The following SERPINB12 variants were observed in gnomAD, a reference collection of about 807,000 sequenced individuals.
SERPINB12 encodes the protein serpin family B member 12, also known as serpin B12.
A neutral mutation model predicts 41.1 loss-of-function variants in SERPINB12; 57 were observed. The ratio of observed to expected loss-of-function variants is 1.39; its 90% CI spans 1.12 to 1.73. The LOEUF (loss-of-function observed/expected upper bound fraction) is 1.73. SERPINB12 is among the 40% of genes most tolerant of loss of function. The pLI, the probability that SERPINB12 is intolerant of heterozygous loss-of-function variation, is 0.00. For synonymous variants in SERPINB12, 180 were observed against 181.3 expected (o/e 0.99, Z 0.06); for missense variants, 536 against 501.9 (o/e 1.07, Z -0.65).
In SERPINB12 at chr18:63,549,709, G is replaced by C. The variant is rs188228110; in HGVS notation, c.-18-6433G>C. Among the ~76,000 whole-genome samples, 21 of 152,284 alleles carry C rather than the reference G, an allele frequency of 1.4e-4. No homozygotes were observed. In the East Asian group the frequency reaches 3.7e-3, roughly 27 times the overall value. ...TTGAGATGTGCCTTCCAGAGAGGGAGTTCACGGCCGTCCTGAGATGGACTC... is the reference window on the plus strand; with the variant it reads ...TTGAGATGTGCCTTCCAGAGAGGGACTTCACGGCCGTCCTGAGATGGACTC... On this transcript the variant is annotated intron_variant, in intron 1 of 7. Transcript: ENST00000382768.
At chr18:63,549,048 T>G (rs569895064) in intron 1 of SERPINB12, among the ~76,000 whole-genome samples, 1 of 152,224 alleles carries the variant, frequency 6.6e-6, no homozygotes, top group East Asian at 1.9e-4. Context: ...GTTTAAACAT[T>G]TAGATAAGTC....
At chr18:63,537,868 G>A (rs773785445), upstream of SERPINB12, among the ~76,000 whole-genome samples, 72 of 152,280 alleles carry the variant, frequency 4.7e-4, no homozygotes, top group African/African-American at 1.6e-3. Flanking sequence ...TTTAGAGCCT[G>A]AGGGAGCACA....
intron 1 of SERPINB12, among the ~76,000 whole-genome samples, chr18:63,548,416 G>A (rs1020416817): frequency 6.6e-6 from 1 of 151,968 alleles, no homozygotes; most frequent in Admixed American, 6.6e-5. Flanking sequence ...TTAAAATTAA[G>A]TTGAAAATAC....
rs1568129202 is a variant in SERPINB12, at chr18:63,559,004, T to TTTCTTTCTTTCTC, written c.303+519_303+520insTCTTTCTTTCTCT. ...TGATTGTCTTTCTTTCTTTCCTTCC[T>TTTCTTTCTTTCTC]TCTTTCTTTCTTTCTTTCTTTCTTT... On this transcript the variant is annotated intron_variant, in intron 3 of 7. Transcript: ENST00000382768. 9.2e-3 allele frequency among the ~76,000 whole-genome samples: 268 copies of TTTCTTTCTTTCTC among 29,074 alleles called. 6 individuals are homozygous for TTTCTTTCTTTCTC. Among genetic ancestry groups the TTTCTTTCTTTCTC allele is most frequent in the African/African-American group, 0.016 (264 of 17,008 alleles). The allele number at this position is 29,074 out of a possible 152,430, so 19.1% of individuals were successfully genotyped here.
At chr18:63,534,934 A>G in the SERPINB12 span, among the ~76,000 whole-genome samples, 2 of 152,212 alleles carry the variant, frequency 1.3e-5, no homozygotes, top group African/African-American at 4.8e-5. Flanking sequence ...TGCATGTGGA[A>G]CACCCTTAGA....
intron 7 of SERPINB12, 23 bp downstream of exon 7, chr18:63,565,635 C>T: frequency 6.3e-7 from 1 of 1,591,582 alleles, no homozygotes; most frequent in Non-Finnish European, 8.6e-7. Context: ...TTCCACATCT[C>T]TACAAAATAT....
chr18:63,562,317 G>T (rs1398410488), intron 5 of SERPINB12, among the ~76,000 whole-genome samples: 2 of 152,220 alleles, frequency 1.3e-5, no homozygotes, highest in Non-Finnish European at 2.9e-5. Flanking sequence ...TTTGATCATC[G>T]TGTGGGGCTG....
intron 1 of SERPINB12, among the ~76,000 whole-genome samples, chr18:63,552,821 G>A (rs1271928732): frequency 6.6e-6 from 1 of 151,922 alleles, no homozygotes; most frequent in Non-Finnish European, 1.5e-5. Flanking sequence ...AAATAACCAA[G>A]CAACCCTTCA....
intron 1 of SERPINB12, among the ~76,000 whole-genome samples, chr18:63,549,562 C>CTTGAAATCTCAGTCTA (rs11273329): frequency 6.6e-6 from 1 of 151,710 alleles, no homozygotes; most frequent in Non-Finnish European, 1.5e-5. Flanking sequence ...TGTTTGCAAT[C>CTTGAAATCTCAGTCTA]TATTTAGGAT....
chr18:63,551,514 G>A (rs1329815549), intron 1 of SERPINB12, among the ~76,000 whole-genome samples: 3 of 151,736 alleles, frequency 2.0e-5, no homozygotes, highest in African/African-American at 7.3e-5. Context: ...TAGTAGAAAC[G>A]GGGTTTCACC....
chr18:63,569,092 C>G lies in SERPINB12; in HGVS notation c.*2081C>G. On this transcript the variant is annotated 3_prime_UTR_variant, in exon 8 of 8. Transcript: ENST00000382768. ...ACCATGACCTATATATAGGCCTGCACTGCCCGGCATTTCTTTTGTTCTTAT... is the reference window on the plus strand; with the variant it reads ...ACCATGACCTATATATAGGCCTGCAGTGCCCGGCATTTCTTTTGTTCTTAT... 6.6e-6 allele frequency among the ~76,000 whole-genome samples: 1 copy of G among 152,100 alleles called. No homozygotes were observed. Among genetic ancestry groups the G allele is most frequent in the South Asian group, 2.1e-4 (1 of 4,818 alleles).
At chr18:63,529,876 A>G in the SERPINB12 span, among the ~76,000 whole-genome samples, 1 of 152,176 alleles carries the variant, frequency 6.6e-6, no homozygotes, top group Non-Finnish European at 1.5e-5. Context: ...AACTCTTATT[A>G]ATCATCTTAC....
At chr18:63,564,244 A>T (rs1911019797) in intron 6 of SERPINB12, 124 bp downstream of exon 6, 1 of 964,658 alleles carries the variant, frequency 1.0e-6, no homozygotes. Flanking sequence ...TTTCGTTGAT[A>T]AGAACCAGTA....
At chr18:63,564,966 A>T (rs1283216059) in intron 6 of SERPINB12, among the ~76,000 whole-genome samples, 1 of 152,172 alleles carries the variant, frequency 6.6e-6, no homozygotes, top group Non-Finnish European at 1.5e-5. Context: ...AGGGAGGATC[A>T]GTTGAGACTA....
chr18:63,554,227 G>A (rs757661216), intron 1 of SERPINB12, among the ~76,000 whole-genome samples: 7 of 152,176 alleles, frequency 4.6e-5, no homozygotes, highest in Admixed American at 2.0e-4. Context: ...ACAGTAGAAA[G>A]ATTACTTAGT....
chr18:63,568,111 G>T lies in SERPINB12; in HGVS notation c.*1100G>T, dbSNP rs1022857723. ...CAATGCTTGTTGGCTGGGCATGATG[G>T]CTCATGCCTGCAATCCCAGCACTTC... On this transcript the variant is annotated 3_prime_UTR_variant, in exon 8 of 8. Coordinates refer to ENST00000382768, the MANE Select transcript of SERPINB12 (RefSeq NM_001307928.2). Among the ~76,000 whole-genome samples the T allele has an allele frequency of 6.6e-6, 1 of 152,234 alleles. No individual in the cohort carries two copies. Among genetic ancestry groups the T allele is most frequent in the Non-Finnish European group, 1.5e-5 (1 of 68,040 alleles).
chr18:63,521,223 G>C, the SERPINB12 span, among the ~76,000 whole-genome samples: 3 of 152,042 alleles, frequency 2.0e-5, no homozygotes, highest in Admixed American at 2.0e-4. Context: ...GCCTTCTCTG[G>C]CTCCATTTTG....
chr18:63,566,647 G>A lies in SERPINB12; in HGVS notation c.914G>A (p.Ser305Asn), dbSNP rs1167868497. 1.2e-6 allele frequency: 2 copies of A among 1,612,980 alleles called. No homozygotes were observed. The highest frequency in any genetic ancestry group is 1.7e-6 in the Non-Finnish European group (2 of 1,179,844). ...KITYEKMVAW[S>N]SSENMSEESV... ...ACCTATGAAAAAATGGTGGCCTGGA[G>A]CAGCTCAGAAAACATGTCAGAAGAA... Residue 305 changes from serine to asparagine, a missense_variant, in exon 8 of 8, where the codon AGC becomes AAC. Ser to Asn is a conservative substitution (Grantham distance 46). Transcript: ENST00000382768.
intron 7 of SERPINB12, among the ~76,000 whole-genome samples, chr18:63,565,827 T>C (rs1316807895): frequency 6.6e-6 from 1 of 152,236 alleles, no homozygotes; most frequent in Admixed American, 6.5e-5. Flanking sequence ...AGTTTCTTCT[T>C]TAATCTCATA....
Sources: gnomAD v4.1 joint callset for allele counts (sites outside exome capture counted in the v4.1 genomes callset) on GRCh38, gnomAD v4.1.1 for gene constraint, MANE v1.5 for transcripts, NCBI Gene and HGNC (gene_info 2026-07-23, HGNC 2026-07-21) for gene names.